Variants in ABCB1 observed in about 807,000 individuals in gnomAD.
The protein encoded by ABCB1 is ATP-dependent translocase ABCB1.
In ABCB1, 69 loss-of-function variants were observed where a neutral mutation model predicts 142.0. That is an observed-to-expected ratio of 0.49 (90% CI 0.40 to 0.59). The LOEUF (loss-of-function observed/expected upper bound fraction) is 0.59, where lower values mean the gene tolerates loss of function less well. Ranked by LOEUF, ABCB1 falls within the 20% of genes least tolerant of loss-of-function variation. The pLI is 0.00. For synonymous variants in ABCB1, 532 were observed against 539.2 expected, an observed-to-expected ratio of 0.99 and a Z score of 0.18; for missense variants, 1,326 against 1,554.7, an observed-to-expected ratio of 0.85 and a Z score of 2.47.
At chr7:87,650,982 A>G (rs1823515369) in intron 1 of ABCB1, 1 of 1,113,424 alleles carries the variant, frequency 9.0e-7, no homozygotes, top group Non-Finnish European at 1.4e-6. Flanking sequence ...AGCTGTCTTT[A>G]TAATAAGCTT....
intron 9 of ABCB1, among the ~76,000 whole-genome samples, chr7:87,553,064 C>T (rs778966106): frequency 1.6e-4 from 25 of 152,102 alleles, no homozygotes; most frequent in Non-Finnish European, 3.4e-4. Context: ...GGATTAGCTG[C>T]CATTCGAAAT....
chr7:87,634,051 C>G (rs1172793580), intron 1 of ABCB1, among the ~76,000 whole-genome samples: 2 of 152,048 alleles, frequency 1.3e-5, no homozygotes, highest in East Asian at 3.9e-4. Flanking sequence ...GAAGAGAGAC[C>G]AAACCCAAAG....
chr7:87,674,577 A>G lies in ABCB1; in HGVS notation c.-331+38584T>C, dbSNP rs146563859. 3.9e-5 allele frequency among the ~76,000 whole-genome samples: 6 copies of G among 152,186 alleles called. No homozygotes were observed. In the East Asian group the frequency reaches 1.2e-3, roughly 29 times the overall value. ...GGGAGTCAGGGCATGGGCAAATAGTATATGCCAGTAAAGTAGGTGAGGCAA... is the reference window on the plus strand; with the variant it reads ...GGGAGTCAGGGCATGGGCAAATAGTGTATGCCAGTAAAGTAGGTGAGGCAA... On this transcript the variant is annotated intron_variant, in intron 1 of 28. Transcript: ENST00000265724.
At chr7:87,546,310 C>T (rs12704363) in intron 14 of ABCB1, among the ~76,000 whole-genome samples, 47,281 of 152,010 alleles carry the variant, frequency 0.31, 7,414 homozygotes, top group Admixed American at 0.38. Flanking sequence ...GGGCTTGGGC[C>T]GGGCGTGGTG....
chr7:87,660,949 G>A (rs1824641729), intron 1 of ABCB1, among the ~76,000 whole-genome samples: 1 of 151,870 alleles, frequency 6.6e-6, no homozygotes, highest in Non-Finnish European at 1.5e-5. Context: ...AAATTTGTAA[G>A]ACTTACTTAA....
chr7:87,700,607 T>A, intron 1 of ABCB1: 1 of 1,540,204 alleles, frequency 6.5e-7, no homozygotes, highest in Non-Finnish European at 8.8e-7. Flanking sequence ...TGCATGTATT[T>A]GGAATAGCAG....
At chr7:87,534,769 G>T (rs1471288479) in intron 20 of ABCB1, among the ~76,000 whole-genome samples, 1 of 151,754 alleles carries the variant, frequency 6.6e-6, no homozygotes, top group Non-Finnish European at 1.5e-5. Context: ...TTAAAAATTA[G>T]CTCGACATGG....
At chr7:87,710,718 C>A in intron 1 of ABCB1, 2 of 887,940 alleles carry the variant, frequency 2.3e-6, no homozygotes, top group South Asian at 1.6e-5. Flanking sequence ...ACTCAGAAAT[C>A]AGAATAGGAT....
intron 1 of ABCB1, among the ~76,000 whole-genome samples, chr7:87,673,733 T>C (rs1258901573): frequency 2.0e-5 from 3 of 152,220 alleles, no homozygotes; most frequent in Admixed American, 2.0e-4. Context: ...TCAGCATGGT[T>C]AAGAACCATT....
chr7:87,607,656 A>T (rs552357465), intron 1 of ABCB1, among the ~76,000 whole-genome samples: 1 of 152,052 alleles, frequency 6.6e-6, no homozygotes, highest in Admixed American at 6.6e-5. Context: ...CATTCAAAGG[A>T]TCTCCCCACA....
intron 1 of ABCB1, among the ~76,000 whole-genome samples, chr7:87,685,642 A>G (rs1406520298): frequency 1.3e-5 from 2 of 152,214 alleles, no homozygotes; most frequent in African/African-American, 2.4e-5. Flanking sequence ...CTGTAGTATC[A>G]GAGAACAGAT....
chr7:87,712,113 T>A (rs965838188), intron 1 of ABCB1, among the ~76,000 whole-genome samples: 1 of 152,148 alleles, frequency 6.6e-6, no homozygotes, highest in Non-Finnish European at 1.5e-5. Flanking sequence ...AATAGTAAAC[T>A]TTTAATTTTG....
intron 1 of ABCB1, among the ~76,000 whole-genome samples, chr7:87,676,495 G>A (rs573842291): frequency 7.2e-5 from 11 of 152,150 alleles, no homozygotes; most frequent in African/African-American, 2.7e-4. Flanking sequence ...GAGGTCAGGA[G>A]TTCAAGACAA....
At chr7:87,521,805 C>A in intron 21 of ABCB1, 1 of 780,622 alleles carries the variant, frequency 1.3e-6, no homozygotes, top group Non-Finnish European at 2.3e-6. Context: ...GCATTAAAGA[C>A]ACTGAAGAAC....
chr7:87,622,147 A>G (rs535129822), intron 1 of ABCB1, among the ~76,000 whole-genome samples: 14 of 152,252 alleles, frequency 9.2e-5, no homozygotes, highest in Admixed American at 2.6e-4. Context: ...TTTTTTAAAC[A>G]TCTCTTTATA....
chr7:87,560,176 T>C (rs1817500192), intron 8 of ABCB1, among the ~76,000 whole-genome samples: 1 of 152,184 alleles, frequency 6.6e-6, no homozygotes, highest in African/African-American at 2.4e-5. Flanking sequence ...TGCTCAGTCA[T>C]TAAGCAGGAC....
intron 1 of ABCB1, among the ~76,000 whole-genome samples, chr7:87,712,674 T>G (rs1366488794): frequency 3.3e-5 from 5 of 152,110 alleles, no homozygotes; most frequent in African/African-American, 1.2e-4. Context: ...CTTTCTGCCT[T>G]GTTCTTAAGT....
chr7:87,591,505 C>G (rs1818999265), intron 3 of ABCB1, among the ~76,000 whole-genome samples: 1 of 151,954 alleles, frequency 6.6e-6, no homozygotes, highest in South Asian at 2.1e-4. Context: ...GAAAGCTCAC[C>G]CAGACAATAA....
intron 1 of ABCB1, among the ~76,000 whole-genome samples, chr7:87,606,876 C>G (rs1819675310): frequency 6.6e-6 from 1 of 151,832 alleles, no homozygotes; most frequent in African/African-American, 2.4e-5. Flanking sequence ...TTTTCAGAAT[C>G]CTGGTTATTA....
Sources: gnomAD v4.1 joint callset for allele counts (sites outside exome capture counted in the v4.1 genomes callset) on GRCh38, gnomAD v4.1.1 for gene constraint, MANE v1.5 for transcripts, NCBI Gene and HGNC (gene_info 2026-07-23, HGNC 2026-07-21) for gene names.